Variants in EFNA5 observed in about 807,000 individuals in gnomAD.
The protein encoded by EFNA5 is ephrin-A5.
A neutral mutation model predicts 22.9 loss-of-function variants in EFNA5; 5 were observed. That is an observed-to-expected ratio of 0.22 (90% CI 0.11 to 0.46). EFNA5 has a LOEUF of 0.46. Among genes scored for constraint, EFNA5 ranks in the 20% least tolerant of loss-of-function variants. EFNA5 has a pLI of 0.99. For missense variants in EFNA5, 237 were observed against 293.3 expected (o/e 0.81, Z 1.40); for synonymous variants, 113 against 112.2 (o/e 1.01, Z -0.04).
At chr5:107,630,319 G>A (rs1248845447) in intron 1 of EFNA5, among the ~76,000 whole-genome samples, 1 of 152,180 alleles carries the variant, frequency 6.6e-6, no homozygotes, top group Non-Finnish European at 1.5e-5. Context: ...TACTTACACA[G>A]ACCTAGATTG....
chr5:107,571,179 C>T (rs961113452), intron 1 of EFNA5, among the ~76,000 whole-genome samples: 18 of 152,168 alleles, frequency 1.2e-4, no homozygotes, highest in Admixed American at 8.5e-4. Context: ...AAAAGATATC[C>T]GAAGCATCAG....
At chr5:107,626,136 T>G (rs1442152118) in intron 1 of EFNA5, among the ~76,000 whole-genome samples, 1 of 152,214 alleles carries the variant, frequency 6.6e-6, no homozygotes, top group Non-Finnish European at 1.5e-5. Flanking sequence ...TGGAGTGAAA[T>G]AGAAGTCCTA....
intron 1 of EFNA5, among the ~76,000 whole-genome samples, chr5:107,488,804 G>T: frequency 6.6e-6 from 1 of 152,158 alleles, no homozygotes; most frequent in Non-Finnish European, 1.5e-5. Context: ...CGAGTCTCCC[G>T]CCTCAGCCTC....
chr5:107,523,294 T>TC (rs753629503), intron 1 of EFNA5, among the ~76,000 whole-genome samples: 11 of 152,026 alleles, frequency 7.2e-5, no homozygotes, highest in Non-Finnish European at 1.6e-4. Context: ...AATATGTGCT[T>TC]CCTTTTTTTT....
intron 1 of EFNA5, among the ~76,000 whole-genome samples, chr5:107,527,590 C>T (rs1168666762): frequency 6.6e-6 from 1 of 150,730 alleles, no homozygotes; most frequent in Non-Finnish European, 1.5e-5. Flanking sequence ...CAGCCTAAAA[C>T]AACGTTTAAG....
At chr5:107,631,256 AACACACAC>A (rs10616989) in intron 1 of EFNA5, among the ~76,000 whole-genome samples, 2 of 145,754 alleles carry the variant, frequency 1.4e-5, no homozygotes, top group South Asian at 2.2e-4. Flanking sequence ...CCTGACTACA[AACACACAC>A]ACACACACAC....
intron 1 of EFNA5, among the ~76,000 whole-genome samples, chr5:107,508,765 TATA>T (rs1263314403): frequency 2.0e-5 from 3 of 152,240 alleles, no homozygotes; most frequent in Non-Finnish European, 4.4e-5. Context: ...TTCTTGTTTT[TATA>T]ATAATGAGAA....
At chr5:107,645,513 T>C (rs1194608832) in intron 1 of EFNA5, among the ~76,000 whole-genome samples, 5 of 152,220 alleles carry the variant, frequency 3.3e-5, no homozygotes, top group Non-Finnish European at 5.9e-5. Context: ...TAAACCAATT[T>C]ATTCACACTA....
chr5:107,584,793 T>C (rs1169437195), intron 1 of EFNA5, among the ~76,000 whole-genome samples: 5 of 152,160 alleles, frequency 3.3e-5, no homozygotes, highest in Admixed American at 2.6e-4. Flanking sequence ...GTGGAACAAA[T>C]GAACGAATGA....
rs199858247 is a variant in EFNA5 at position 107,402,654 on chromosome 5, G to A, written c.419-14883C>T. Among the ~76,000 whole-genome samples the A allele has an allele frequency of 6.6e-5, 10 of 152,152 alleles. No homozygotes were observed. In the East Asian group the frequency reaches 7.7e-4, roughly 12 times the overall value. On this transcript the variant is annotated intron_variant, in intron 2 of 4. Transcript: ENST00000333274. ...CGGGTGTGGATACACTACTGTATAC[G>A]CACCTTCCATTGATAGCAACAGGGG...
chr5:107,670,830 A>AAAG lies in EFNA5; in HGVS notation c.-220_-218dup. ...AGAAGGCGGTGGGATGGGGGGTGAT[A>AAAG]AAGACAAACTCGCACCCCCACTGGA... On this transcript the variant is annotated 5_prime_UTR_variant, in exon 1 of 5. Coordinates refer to ENST00000333274, the MANE Select transcript of EFNA5 (RefSeq NM_001962.3). 1.7e-6 allele frequency: 1 copy of AAAG among 593,002 alleles called. No individual in the cohort carries two copies. Among genetic ancestry groups the AAAG allele is most frequent in the South Asian group, 2.1e-5 (1 of 46,752 alleles). 36.7% of individuals were successfully genotyped at this position (593,002 alleles called of 1,614,324 possible). A position where few individuals can be genotyped will look rare whatever the true frequency, so the allele number is the denominator to read the frequency against.
At chr5:107,465,114 G>T (rs1275969175) in intron 1 of EFNA5, among the ~76,000 whole-genome samples, 1 of 150,680 alleles carries the variant, frequency 6.6e-6, no homozygotes, top group Non-Finnish European at 1.5e-5. Flanking sequence ...CCGAACCACT[G>T]CTTTTCCTTA....
In EFNA5 at chr5:107,509,381, C is replaced by A. The variant is rs1018929003; in HGVS notation, c.126-81872G>T. 4.0e-5 allele frequency among the ~76,000 whole-genome samples: 6 copies of A among 151,160 alleles called. No individual in the cohort carries two copies. In the East Asian group the frequency reaches 5.8e-4, roughly 15 times the overall value. ...TCGCCCAGGCTGCAGTGCAATGGTGCGATCTCAGCTCACTGCAACCTCTGC... is the reference window on the plus strand; with the variant it reads ...TCGCCCAGGCTGCAGTGCAATGGTGAGATCTCAGCTCACTGCAACCTCTGC... On this transcript the variant is annotated intron_variant, in intron 1 of 4. Coordinates refer to ENST00000333274, the MANE Select transcript of EFNA5 (RefSeq NM_001962.3).
At chr5:107,586,389 T>G (rs1299188665) in intron 1 of EFNA5, among the ~76,000 whole-genome samples, 2 of 152,092 alleles carry the variant, frequency 1.3e-5, no homozygotes, top group African/African-American at 4.8e-5. Flanking sequence ...ACAACTGAAA[T>G]AGCCAACCTC....
At chr5:107,636,181 T>C (rs1290012978) in intron 1 of EFNA5, among the ~76,000 whole-genome samples, 2 of 152,178 alleles carry the variant, frequency 1.3e-5, no homozygotes, top group Admixed American at 6.5e-5. Flanking sequence ...TAAATCTGTT[T>C]TGCATATATG....
chr5:107,576,486 G>A (rs1342079721), intron 1 of EFNA5, among the ~76,000 whole-genome samples: 2 of 152,052 alleles, frequency 1.3e-5, no homozygotes, highest in Non-Finnish European at 2.9e-5. Context: ...CTTGCCAAAT[G>A]CAAAAGAATT....
chr5:107,564,848 G>A (rs1369576862), intron 1 of EFNA5, among the ~76,000 whole-genome samples: 2 of 151,952 alleles, frequency 1.3e-5, no homozygotes, highest in African/African-American at 4.8e-5. Context: ...TAGCTGAATG[G>A]GTTCCATAAA....
At chr5:107,651,306 T>C (rs1393638924) in intron 1 of EFNA5, among the ~76,000 whole-genome samples, 1 of 152,148 alleles carries the variant, frequency 6.6e-6, no homozygotes, top group Non-Finnish European at 1.5e-5. Flanking sequence ...ATTTAGTCTA[T>C]AAAGGACTGT....
chr5:107,485,292 A>G (rs1386124590), intron 1 of EFNA5, among the ~76,000 whole-genome samples: 1 of 152,234 alleles, frequency 6.6e-6, no homozygotes, highest in African/African-American at 2.4e-5. Flanking sequence ...ATGAAGAATG[A>G]AAAACATTAA....
Sources: gnomAD v4.1 joint callset for allele counts (sites outside exome capture counted in the v4.1 genomes callset) on GRCh38, gnomAD v4.1.1 for gene constraint, MANE v1.5 for transcripts, NCBI Gene and HGNC (gene_info 2026-07-23, HGNC 2026-07-21) for gene names.